Variants in VWA8 observed in about 807,000 individuals in gnomAD.
The protein encoded by VWA8 is von Willebrand factor A domain containing 8.
A neutral mutation model predicts 241.5 loss-of-function variants in VWA8; 221 were observed. The observed-to-expected ratio is 0.91, with a 90% CI of 0.82 to 1.02. The LOEUF (loss-of-function observed/expected upper bound fraction) is 1.02, where lower values mean the gene tolerates loss of function less well. Among genes scored for constraint, VWA8 ranks in the 50% least tolerant of loss-of-function variants. The pLI, the probability that VWA8 is intolerant of heterozygous loss-of-function variation, is 0.00. For synonymous variants in VWA8, 852 were observed against 827.1 expected, an observed-to-expected ratio of 1.03 and a Z score of -0.52; for missense variants, 2,322 against 2,328.7, an observed-to-expected ratio of 1.00 and a Z score of 0.06.
chr13:41,877,218 T>C (rs1043434601), intron 9 of VWA8, among the ~76,000 whole-genome samples: 6 of 152,242 alleles, frequency 3.9e-5, no homozygotes, highest in Admixed American at 2.0e-4. Context: ...GTAGGATTTA[T>C]GGACATTTTT....
At chr13:41,827,413 G>T (rs1329927660) in intron 14 of VWA8, among the ~76,000 whole-genome samples, 2 of 152,132 alleles carry the variant, frequency 1.3e-5, no homozygotes, top group Non-Finnish European at 2.9e-5. Context: ...AAAGTATACT[G>T]TTTAGTGACA....
At chr13:41,740,727 T>G (rs1208761902) in intron 21 of VWA8, among the ~76,000 whole-genome samples, 13 of 152,200 alleles carry the variant, frequency 8.5e-5, no homozygotes, top group African/African-American at 2.7e-4. Context: ...GCTTAGGTCA[T>G]GTGGGACCAA....
At chr13:41,623,511 T>C (rs562236552) in intron 37 of VWA8, among the ~76,000 whole-genome samples, 2 of 152,338 alleles carry the variant, frequency 1.3e-5, no homozygotes, top group Admixed American at 6.5e-5. Context: ...AGCTACTGTC[T>C]TGATCTTCCT....
chr13:41,690,151 T>A lies in VWA8; in HGVS notation c.3976+15A>T, dbSNP rs573345843. ...GCACTCACACAGCCATAAACACAGA[T>A]GACATAGTATTTACCTTGTGTAACT... On this transcript the variant is annotated intron_variant, in intron 33 of 44. Transcript: ENST00000379310. The A allele has an allele frequency of 1.6e-5, 26 of 1,603,090 alleles. No homozygotes were observed. The highest frequency in any genetic ancestry group is 5.0e-5 in the Admixed American group (3 of 59,422).
In VWA8 at chr13:41,604,320, T is replaced by C. The variant is rs1358182959; in HGVS notation, c.4986+848A>G. Among the ~76,000 whole-genome samples the C allele has an allele frequency of 2.0e-5, 3 of 152,196 alleles. No homozygotes were observed. In the East Asian group the frequency reaches 5.8e-4, roughly 29 times the overall value. On this transcript the variant is annotated intron_variant, in intron 40 of 44. Coordinates refer to ENST00000379310, the MANE Select transcript of VWA8 (RefSeq NM_015058.2). ...CCTAAATAACTGCATATAGATTTTT[T>C]TTAAAGTACATGGTTTAATTTTTAC...
At chr13:41,884,392 C>T (rs556119747) in intron 8 of VWA8, among the ~76,000 whole-genome samples, 1 of 152,268 alleles carries the variant, frequency 6.6e-6, no homozygotes, top group East Asian at 1.9e-4. Context: ...GTGTTTGCTT[C>T]CTCTTCCACC....
intron 2 of VWA8, among the ~76,000 whole-genome samples, chr13:41,915,142 T>C (rs1316049620): frequency 6.6e-6 from 1 of 152,238 alleles, no homozygotes; most frequent in East Asian, 1.9e-4. Context: ...TAGAGACATT[T>C]GTACAGCAGT....
chr13:41,920,248 C>T (rs1368959333), intron 2 of VWA8, among the ~76,000 whole-genome samples: 3 of 152,158 alleles, frequency 2.0e-5, no homozygotes, highest in African/African-American at 4.8e-5. Flanking sequence ...CAGCTGTGCC[C>T]TATTCCCTGG....
At chr13:41,784,691 CATATACATATATATAT>C (rs1206517684) in intron 18 of VWA8, among the ~76,000 whole-genome samples, 2 of 45,452 alleles carry the variant, frequency 4.4e-5, no homozygotes, top group African/African-American at 1.7e-4. Context: ...TATACATATA[CATATACATATATATAT>C]ATATATATAT....
chr13:41,609,790 G>A (rs1425344522), intron 39 of VWA8, among the ~76,000 whole-genome samples: 4 of 151,936 alleles, frequency 2.6e-5, no homozygotes, highest in East Asian at 3.9e-4. Context: ...ACCACCTTAC[G>A]GTATTCTCTT....
At chr13:41,917,576 G>A (rs906424582) in intron 2 of VWA8, among the ~76,000 whole-genome samples, 7 of 152,178 alleles carry the variant, frequency 4.6e-5, no homozygotes, top group Admixed American at 4.6e-4. Flanking sequence ...CTCAGCCAAT[G>A]AGAACCAGGT....
chr13:41,736,925 C>A (rs1408568842), intron 21 of VWA8, among the ~76,000 whole-genome samples: 4 of 148,758 alleles, frequency 2.7e-5, no homozygotes, highest in Non-Finnish European at 5.9e-5. Flanking sequence ...CTCGCTGCAA[C>A]CTCCGCTTCC....
At chr13:41,573,963 G>T (rs1405205248) in intron 43 of VWA8, among the ~76,000 whole-genome samples, 2 of 152,124 alleles carry the variant, frequency 1.3e-5, no homozygotes, top group Admixed American at 6.5e-5. Context: ...AACTAAAAGA[G>T]TTCAACTGGA....
chr13:41,574,002 G>C (rs2044333690), intron 43 of VWA8, among the ~76,000 whole-genome samples: 1 of 152,154 alleles, frequency 6.6e-6, no homozygotes, highest in Non-Finnish European at 1.5e-5. Context: ...ATAAATGCTT[G>C]AGGTGATGGA....
intron 38 of VWA8, among the ~76,000 whole-genome samples, chr13:41,614,420 GGCAGCCAAGA>G (rs1280083211): frequency 6.6e-6 from 1 of 152,170 alleles, no homozygotes; most frequent in African/African-American, 2.4e-5. Context: ...GCCCTAGTTG[GGCAGCCAAGA>G]GGAAGGAGTC....
intron 17 of VWA8, among the ~76,000 whole-genome samples, chr13:41,809,878 T>A (rs74634894): frequency 0.011 from 1,674 of 151,984 alleles, 33 homozygotes; most frequent in African/African-American, 0.039. Context: ...TGATAAAATA[T>A]ATGAATTTAA....
intron 37 of VWA8, among the ~76,000 whole-genome samples, chr13:41,666,208 G>C (rs1216486157): frequency 6.6e-6 from 1 of 152,134 alleles, no homozygotes; most frequent in Non-Finnish European, 1.5e-5. Flanking sequence ...GAACCCAGGA[G>C]TGCTATCTTA....
At chr13:41,829,734 T>C (rs2137998550) in intron 14 of VWA8, among the ~76,000 whole-genome samples, 1 of 152,218 alleles carries the variant, frequency 6.6e-6, no homozygotes, top group South Asian at 2.1e-4. Flanking sequence ...AGCTAAGCTA[T>C]GAGGACACAA....
In VWA8 at chr13:41,570,820, G is replaced by A. The variant is rs536924565; in HGVS notation, c.5371-114C>T. 7.3e-6 allele frequency: 6 copies of A among 820,206 alleles called. No homozygotes were observed. In the South Asian group the frequency reaches 1.1e-4, roughly 15 times the overall value. 50.8% of individuals were successfully genotyped at this position (820,206 alleles called of 1,614,324 possible). The stretch of plus-strand genomic sequence containing the variant: ...CATACATACCAATTATTACCCATGA[G>A]TAGTACATTCTAAGTTAGTTCTATT... On this transcript the variant is annotated intron_variant, in intron 43 of 44. Coordinates refer to ENST00000379310, the MANE Select transcript of VWA8 (RefSeq NM_015058.2).
Sources: allele counts gnomAD v4.1 joint callset (sites outside exome capture counted in the v4.1 genomes callset), GRCh38; gene constraint gnomAD v4.1.1; transcripts MANE v1.5; gene names NCBI Gene and HGNC (gene_info 2026-07-23, HGNC 2026-07-21).